The following RBFOX1 variants were observed in gnomAD, a reference collection of about 807,000 sequenced individuals.
RBFOX1 encodes RNA binding protein fox-1 homolog 1.
A neutral mutation model predicts 57.7 loss-of-function variants in RBFOX1; 8 were observed. The ratio of observed to expected loss-of-function variants is 0.14; its 90% CI spans 0.08 to 0.25. RBFOX1 has a LOEUF of 0.25. RBFOX1 is among the 10% of genes least tolerant of loss of function. The pLI, the probability that RBFOX1 is intolerant of heterozygous loss-of-function variation, is 1.00. For missense variants in RBFOX1, 611 were observed against 548.5 expected (o/e 1.11, Z -1.14); for synonymous variants, 326 against 222.4 (o/e 1.47, Z -4.15).
chr16:7,244,887 C>G (rs767599579), intron 4 of RBFOX1, among the ~76,000 whole-genome samples: 1 of 152,174 alleles, frequency 6.6e-6, no homozygotes, highest in Non-Finnish European at 1.5e-5. Context: ...GTAAGAAAAG[C>G]TCCGTATCCC....
chr16:6,316,012 A>G (rs1402591914), intron 1 of RBFOX1, among the ~76,000 whole-genome samples: 1 of 152,238 alleles, frequency 6.6e-6, no homozygotes, highest in Non-Finnish European at 1.5e-5. Flanking sequence ...AATGTTTAAA[A>G]TTTACCTCTA....
chr16:7,287,418 A>G (rs1483795767), intron 4 of RBFOX1, among the ~76,000 whole-genome samples: 1 of 152,150 alleles, frequency 6.6e-6, no homozygotes, highest in Non-Finnish European at 1.5e-5. Flanking sequence ...TTCTCTTTCT[A>G]GAATCACCAT....
At chr16:6,085,896 G>A (rs6500754) in intron 1 of RBFOX1, among the ~76,000 whole-genome samples, 61,733 of 151,586 alleles carry the variant, frequency 0.41, 14,155 homozygotes, top group Non-Finnish European at 0.54. Context: ...GTGTGCTGTG[G>A]TGGTTTGCTG....
chr16:7,428,291 A>G (rs1292862088), intron 4 of RBFOX1, among the ~76,000 whole-genome samples: 1 of 141,158 alleles, frequency 7.1e-6, no homozygotes, highest in Non-Finnish European at 1.6e-5. Context: ...TAAGTTTTGT[A>G]TGAGATATAT....
At chr16:6,768,695 CTA>C (rs146864975) in intron 3 of RBFOX1, among the ~76,000 whole-genome samples, 4,327 of 147,184 alleles carry the variant, frequency 0.029, 227 homozygotes, top group African/African-American at 0.1. Context: ...ATATATGTAC[CTA>C]TATATATATA....
At chr16:5,988,530 T>A (rs2152316891) in intron 4 of RBFOX1, among the ~76,000 whole-genome samples, 1 of 152,322 alleles carries the variant, frequency 6.6e-6, no homozygotes, top group Non-Finnish European at 1.5e-5. Context: ...GGTGAGATTT[T>A]GATCAGAACC....
At chr16:7,208,616 G>C (rs1483736130) in intron 4 of RBFOX1, among the ~76,000 whole-genome samples, 1 of 152,080 alleles carries the variant, frequency 6.6e-6, no homozygotes, top group Non-Finnish European at 1.5e-5. Context: ...TGGGAAGTTT[G>C]CTTCAGGGTA....
intron 4 of RBFOX1, among the ~76,000 whole-genome samples, chr16:7,091,130 C>G (rs1422575621): frequency 1.2e-5 from 1 of 86,718 alleles, no homozygotes; most frequent in East Asian, 3.3e-4. Flanking sequence ...TTTCGTTTCT[C>G]TTTACTTTTT....
chr16:7,345,790 A>G (rs1015183503), intron 4 of RBFOX1, among the ~76,000 whole-genome samples: 3 of 152,052 alleles, frequency 2.0e-5, no homozygotes, highest in Non-Finnish European at 4.4e-5. Context: ...CGCCGTCTGC[A>G]TGTGTATTTT....
intron 14 of RBFOX1, among the ~76,000 whole-genome samples, chr16:7,690,409 A>G (rs1009992615): frequency 1.3e-5 from 2 of 152,148 alleles, no homozygotes; most frequent in African/African-American, 4.8e-5. Flanking sequence ...CTTGGTAACC[A>G]GAAATTTTTA....
chr16:5,357,657 C>T (rs1189064776), intron 1 of RBFOX1, among the ~76,000 whole-genome samples: 1 of 152,172 alleles, frequency 6.6e-6, no homozygotes, highest in Admixed American at 6.5e-5. Flanking sequence ...GGATCATGAA[C>T]CACACCCCAG....
At chr16:7,170,447 C>A (rs1567554401) in intron 4 of RBFOX1, among the ~76,000 whole-genome samples, 1 of 149,988 alleles carries the variant, frequency 6.7e-6, no homozygotes, top group African/African-American at 2.5e-5. Flanking sequence ...AATTAAAATT[C>A]TTTTTTTTTT....
intron 9 of RBFOX1, among the ~76,000 whole-genome samples, chr16:7,606,118 ATTTTTTTTTT>A (rs34232105): frequency 8.7e-6 from 1 of 114,622 alleles, no homozygotes; most frequent in East Asian, 2.5e-4. Flanking sequence ...ACCTGCATGG[ATTTTTTTTTT>A]TTTTTTTTTT....
intron 1 of RBFOX1, among the ~76,000 whole-genome samples, chr16:6,293,643 G>A (rs1298133100): frequency 6.6e-6 from 1 of 152,114 alleles, no homozygotes; most frequent in Non-Finnish European, 1.5e-5. Context: ...TAATAGAGGT[G>A]TGAATACAAG....
At chr16:7,154,916 G>A (rs141150697) in intron 4 of RBFOX1, among the ~76,000 whole-genome samples, 1 of 152,244 alleles carries the variant, frequency 6.6e-6, no homozygotes, top group East Asian at 1.9e-4. Context: ...TTATAACTTT[G>A]CATAATGAGT....
chr16:7,221,268 G>T (rs2092705421), intron 4 of RBFOX1, among the ~76,000 whole-genome samples: 1 of 152,108 alleles, frequency 6.6e-6, no homozygotes, highest in Non-Finnish European at 1.5e-5. Context: ...CACAAGGAGG[G>T]TCTCAGAAGG....
intron 1 of RBFOX1, among the ~76,000 whole-genome samples, chr16:5,450,099 C>T (rs2068376516): frequency 6.6e-6 from 1 of 152,140 alleles, no homozygotes; most frequent in African/African-American, 2.4e-5. Context: ...TGTAATTCAC[C>T]TCATTGTGCA....
At chr16:6,743,383 C>G (rs59048575) in intron 3 of RBFOX1, among the ~76,000 whole-genome samples, 13,516 of 152,102 alleles carry the variant, frequency 0.089, 739 homozygotes, top group East Asian at 0.15. Context: ...GATTGTCAGA[C>G]TTAATAAAAA....
At chr16:5,397,999 A>C (rs544064785) in intron 1 of RBFOX1, among the ~76,000 whole-genome samples, 2 of 152,318 alleles carry the variant, frequency 1.3e-5, no homozygotes, top group East Asian at 3.9e-4. Context: ...GACAGATGTT[A>C]AATAAACATT....
Sources: gnomAD v4.1 joint callset for allele counts (sites outside exome capture counted in the v4.1 genomes callset) on GRCh38, gnomAD v4.1.1 for gene constraint, MANE v1.5 for transcripts, NCBI Gene and HGNC (gene_info 2026-07-23, HGNC 2026-07-21) for gene names.